CSDC2: variants seen among roughly 807,000 people sequenced by gnomAD.
CSDC2 encodes the protein cold shock domain-containing protein C2.
In CSDC2, 8 loss-of-function variants were observed where a neutral mutation model predicts 15.8. That is an observed-to-expected ratio of 0.51 (90% CI 0.30 to 0.92). The LOEUF (loss-of-function observed/expected upper bound fraction) is 0.92, where lower values mean the gene tolerates loss of function less well. CSDC2 is among the 40% of genes least tolerant of loss of function. CSDC2 has a pLI of 0.07. For missense variants in CSDC2, 195 were observed against 213.3 expected (o/e 0.91, Z 0.53); for synonymous variants, 96 against 92.3 (o/e 1.04, Z -0.23).
At chr22:41,570,771 G>A (rs1183543822) in intron 1 of CSDC2, among the ~76,000 whole-genome samples, 1 of 146,214 alleles carries the variant, frequency 6.8e-6, no homozygotes, top group Non-Finnish European at 1.5e-5. Flanking sequence ...ACAGTGAGCC[G>A]AGATCACACC....
Position 41,576,028 on chromosome 22 carries a change from T to C in CSDC2, c.*1133T>C, listed in dbSNP as rs1006407. On this transcript the variant is annotated 3_prime_UTR_variant, in exon 4 of 4. Coordinates refer to ENST00000306149, the MANE Select transcript of CSDC2 (RefSeq NM_014460.4). Reference sequence around the variant, plus strand: ...GGAGGCCAGGAAGGAGGGCCCTGTCTGCCTCCACCTCTGGGTGCACCCCCT... The same window carrying C: ...GGAGGCCAGGAAGGAGGGCCCTGTCCGCCTCCACCTCTGGGTGCACCCCCT... 25,822 of 152,266 alleles carry C rather than the reference T, an allele frequency of 0.17. 3,199 individuals carry two copies. Among genetic ancestry groups the C allele is most frequent in the Admixed American group, 0.36 (5,513 of 15,280 alleles). 9.4% of individuals were successfully genotyped at this position (152,266 alleles called of 1,614,324 possible).
At chr22:41,571,583 A>G (rs899385013) in intron 1 of CSDC2, among the ~76,000 whole-genome samples, 1 of 152,128 alleles carries the variant, frequency 6.6e-6, no homozygotes, top group Non-Finnish European at 1.5e-5. Flanking sequence ...CATATTCTAG[A>G]CCATCACTGG....
intron 1 of CSDC2, among the ~76,000 whole-genome samples, chr22:41,566,851 C>G (rs964433121): frequency 6.9e-6 from 1 of 145,070 alleles, no homozygotes; most frequent in Non-Finnish European, 1.5e-5. Context: ...GGCGTGAACC[C>G]GGGAGGCGGA....
At chr22:41,574,228 C>G (rs1013512090) in intron 3 of CSDC2, among the ~76,000 whole-genome samples, 22 of 152,280 alleles carry the variant, frequency 1.4e-4, no homozygotes, top group African/African-American at 5.3e-4. Flanking sequence ...CCCAAGGGAC[C>G]CAGAAAGGGA....
At position 41,575,533 on chromosome 22, in the gene CSDC2, G is replaced by T. The variant is rs780319706; in HGVS notation, c.*638G>T. 6.5e-6 allele frequency: 1 copy of T among 153,092 alleles called. No individual in the cohort carries two copies. Among genetic ancestry groups the T allele is most frequent in the East Asian group, 1.9e-4 (1 of 5,192 alleles). The allele number at this position is 153,092 out of a possible 1,614,324, so 9.5% of individuals were successfully genotyped here. On this transcript the variant is annotated 3_prime_UTR_variant, in exon 4 of 4. Coordinates refer to ENST00000306149, the MANE Select transcript of CSDC2 (RefSeq NM_014460.4). ...GAGGCAGGAAGAGGGGCCTGAGGGC[G>T]GAAGGGGTTTGGGGCTCCCATTTCG...
At chr22:41,564,623 G>A (rs2067104404) in intron 1 of CSDC2, among the ~76,000 whole-genome samples, 1 of 152,226 alleles carries the variant, frequency 6.6e-6, no homozygotes, top group Non-Finnish European at 1.5e-5. Context: ...TCTAAGGACA[G>A]CTGTTGCCCC....
chr22:41,561,519 G>A (rs560394086), intron 1 of CSDC2, among the ~76,000 whole-genome samples: 25 of 152,216 alleles, frequency 1.6e-4, no homozygotes, highest in Non-Finnish European at 3.1e-4. Flanking sequence ...AGAGAGGACC[G>A]CCTTGACCAG....
chr22:41,571,949 C>G lies in CSDC2; in HGVS notation c.-17C>G. The stretch of plus-strand genomic sequence containing the variant: ...CCTGGGCCCCAGAGCCCACCAGGCT[C>G]TCCTGCTGGCCCCACCATGACTTCA... On this transcript the variant is annotated 5_prime_UTR_variant, in exon 2 of 4. Transcript: ENST00000306149. The G allele has an allele frequency of 7.6e-7, 1 of 1,323,222 alleles. No homozygotes were observed. Among genetic ancestry groups the G allele is most frequent in the Non-Finnish European group, 9.7e-7 (1 of 1,030,236 alleles). The allele number at this position is 1,323,222 out of a possible 1,614,324, so 82.0% of individuals were successfully genotyped here.
intron 1 of CSDC2, among the ~76,000 whole-genome samples, chr22:41,567,008 G>T (rs1425778300): frequency 6.6e-6 from 1 of 152,098 alleles, no homozygotes; most frequent in African/African-American, 2.4e-5. Flanking sequence ...TGGGTCTCAG[G>T]CTGCCCTCTT....
At chr22:41,564,490 G>A (rs1309864648) in intron 1 of CSDC2, among the ~76,000 whole-genome samples, 1 of 151,980 alleles carries the variant, frequency 6.6e-6, no homozygotes, top group Admixed American at 6.6e-5. Context: ...TCAATCTCCT[G>A]ACCTCGTGAT....
Position 41,573,668 on chromosome 22 carries a change from T to C in CSDC2, c.190T>C (p.Ser64Pro). ...TRTYSATARA[S>P]AGPVFKGVCK... ...CCCTATCTCCAGGACAGCCCGGGCC[T>C]CAGCTGGCCCCGTGTTCAAGGGCGT... The change falls in exon 3 of 4, where the codon TCA (serine) becomes CCA (proline). Residue 64 changes from serine to proline, a missense_variant. Ser to Pro is a moderately conservative substitution (Grantham distance 74). Transcript: ENST00000306149. The C allele has an allele frequency of 6.2e-7, 1 of 1,613,072 alleles. No homozygotes were observed. The highest frequency in any genetic ancestry group is 8.5e-7 in the Non-Finnish European group (1 of 1,179,446).
Position 41,573,645 on chromosome 22 carries a change from C to T in CSDC2, c.177-10C>T, listed in dbSNP as rs1273998413. On this transcript the variant is annotated splice_polypyrimidine_tract_variant and intron_variant, in intron 2 of 3. Transcript: ENST00000306149. ...AGGCCACAGCTCCAATCCCACTACC[C>T]TATCTCCAGGACAGCCCGGGCCTCA... 1 of 1,609,184 alleles carries T rather than the reference C, an allele frequency of 6.2e-7. No individual in the cohort carries two copies. The highest frequency in any genetic ancestry group is 1.7e-5 in the Admixed American group (1 of 59,578).
intron 1 of CSDC2, among the ~76,000 whole-genome samples, chr22:41,567,745 C>T (rs944836614): frequency 6.6e-6 from 1 of 152,264 alleles, no homozygotes; most frequent in Non-Finnish European, 1.5e-5. Context: ...CTGGCTCAGA[C>T]TTTGATTGGT....
intron 1 of CSDC2, among the ~76,000 whole-genome samples, chr22:41,568,361 G>T (rs2067127665): frequency 6.6e-6 from 1 of 152,030 alleles, no homozygotes; most frequent in Non-Finnish European, 1.5e-5. Context: ...TCCGCTCTCT[G>T]CAGCCTCGAC....
rs918690411 is a variant in CSDC2 at position 41,574,749 on chromosome 22, G to A, written c.316G>A (p.Val106Met). The A allele has an allele frequency of 2.9e-5, 46 of 1,613,676 alleles. No individual in the cohort carries two copies. The highest frequency in any genetic ancestry group is 4.5e-5 in the East Asian group (2 of 44,900). ...GCCCGCCAGCATCGAGGGGGAGTAC[G>A]TGCCAGTGGAGGGCGACGAGGTGAC... Reference protein sequence around the residue: ...VHVSDIEGEYVPVEGDEVTYK... With the variant: ...VHVSDIEGEYMPVEGDEVTYK... The change falls in exon 4 of 4, where the codon GTG becomes ATG. Residue 106 changes from valine (V) to methionine (M), a missense_variant. Physicochemically the swap from Val to Met is conservative, Grantham distance 21. Transcript: ENST00000306149.
At chr22:41,563,383 G>A (rs190997834) in intron 1 of CSDC2, among the ~76,000 whole-genome samples, 4 of 152,104 alleles carry the variant, frequency 2.6e-5, no homozygotes, top group Admixed American at 6.6e-5. Context: ...CCCGATGTTC[G>A]GGAAGCCCTT....
At chr22:41,562,046 G>A (rs1434459843) in intron 1 of CSDC2, among the ~76,000 whole-genome samples, 1 of 152,210 alleles carries the variant, frequency 6.6e-6, no homozygotes, top group African/African-American at 2.4e-5. Flanking sequence ...GAGAGGGGAG[G>A]GGGACACAGA....
At chr22:41,566,471 A>ACG (rs1877637728) in intron 1 of CSDC2, among the ~76,000 whole-genome samples, 1 of 143,054 alleles carries the variant, frequency 7.0e-6, no homozygotes, top group African/African-American at 2.6e-5. Flanking sequence ...AAAAAAACAC[A>ACG]CAAAAATTAG....
rs1205443965 is a variant in CSDC2 at position 41,575,016 on chromosome 22, C to A, written c.*121C>A. ...AGTCCTTCGGTGGCCTCAGTGTGCA[C>A]GTCTGTCTGTCCGTCTGTGCTTGTG... is the stretch of plus-strand genomic sequence containing the variant. On this transcript the variant is annotated 3_prime_UTR_variant, in exon 4 of 4. Coordinates refer to ENST00000306149, the MANE Select transcript of CSDC2 (RefSeq NM_014460.4). 6.0e-6 allele frequency: 7 copies of A among 1,158,656 alleles called. No homozygotes were observed. Among genetic ancestry groups the A allele is most frequent in the Non-Finnish European group, 7.2e-6 (6 of 829,386 alleles). 71.8% of individuals were successfully genotyped at this position (1,158,656 alleles called of 1,614,324 possible). A position where few individuals can be genotyped will look rare whatever the true frequency, so the allele number is the denominator to read the frequency against.
Sources: gnomAD v4.1 joint callset for allele counts (sites outside exome capture counted in the v4.1 genomes callset) on GRCh38, gnomAD v4.1.1 for gene constraint, MANE v1.5 for transcripts, NCBI Gene and HGNC (gene_info 2026-07-23, HGNC 2026-07-21) for gene names.